Variants in CATIP observed in about 807,000 individuals in gnomAD.
CATIP encodes ciliogenesis-associated TTC17-interacting protein.
In CATIP, 40 loss-of-function variants were observed where a neutral mutation model predicts 42.5. The observed-to-expected ratio is 0.94, with a 90% CI of 0.73 to 1.22. CATIP has a LOEUF of 1.22. CATIP is among the 50% of genes most tolerant of loss of function. CATIP has a pLI of 0.00. For missense variants in CATIP, 489 were observed against 496.0 expected (o/e 0.99, Z 0.13); for synonymous variants, 222 against 200.2 (o/e 1.11, Z -0.92).
At chr2:218,363,037 G>A in intron 6 of CATIP, 135 bp downstream of exon 6, 3 of 773,108 alleles carry the variant, frequency 3.9e-6, no homozygotes, top group Non-Finnish European at 6.1e-6. Context: ...TGGGAATGGG[G>A]CTTTCAAGGG....
In CATIP at chr2:218,357,993, C is replaced by T. The variant is rs778991062; in HGVS notation, c.320-44C>T. ...CACCTTCCCTTCCTTCAGCCTCTGA[C>T]CCACATCTCCTGTGACGTCAATGCC... On this transcript the variant is annotated intron_variant, in intron 3 of 9. Coordinates refer to ENST00000289388, the MANE Select transcript of CATIP (RefSeq NM_198559.2). 3.8e-5 allele frequency: 60 copies of T among 1,586,342 alleles called. No individual in the cohort carries two copies. In the South Asian group the frequency reaches 5.6e-4, roughly 15 times the overall value.
intron 7 of CATIP, among the ~76,000 whole-genome samples, chr2:218,365,230 C>T (rs1385805698): frequency 3.3e-5 from 5 of 151,982 alleles, no homozygotes; most frequent in South Asian, 2.1e-4. Context: ...CTGGCTGACA[C>T]GGTGAAACCC....
At chr2:218,365,178 G>A (rs1695386624) in intron 7 of CATIP, among the ~76,000 whole-genome samples, 1 of 152,162 alleles carries the variant, frequency 6.6e-6, no homozygotes, top group African/African-American at 2.4e-5. Context: ...ACTTTGGGAG[G>A]CTGAGGCGGG....
chr2:218,367,508 T>C lies in CATIP; in HGVS notation c.911T>C (p.Leu304Pro). Residue 304 changes from leucine (L) to proline (P), a missense_variant, in exon 9 of 10, where the codon CTG becomes CCG. Coordinates refer to ENST00000289388, the MANE Select transcript of CATIP (RefSeq NM_198559.2). ...EEDMELYSKF[L>P]DRKEELRLGH... Reference sequence around the variant, plus strand: ...GATATGGAGCTCTATTCGAAGTTCCTGGACCGGAAGGTGAGGGGAGGCTCC... The same window carrying C: ...GATATGGAGCTCTATTCGAAGTTCCCGGACCGGAAGGTGAGGGGAGGCTCC... The C allele has an allele frequency of 6.2e-7, 1 of 1,614,190 alleles. No homozygotes were observed. The highest frequency in any genetic ancestry group is 1.1e-5 in the South Asian group (1 of 91,086).
chr2:218,357,692 C>A lies in CATIP; in HGVS notation c.277C>A (p.Arg93=), dbSNP rs78470620. 4.9e-4 allele frequency: 787 copies of A among 1,613,984 alleles called. 6 individuals are homozygous for A. In the African/African-American group the frequency reaches 9.4e-3, roughly 19 times the overall value. The stretch of plus-strand genomic sequence containing the variant: ...CTGCCTCTTCGTGCATGCCTCTAGC[C>A]GAGGCTTCTTGGACAAAATGCTCTG... The part of the protein sequence containing the change: ...TYCLFVHASS[R]GFLDKMLCGN... The change falls in exon 3 of 10, where the codon CGA becomes AGA. Residue 93 remains arginine (R), a synonymous_variant. Transcript: ENST00000289388.
rs1695079493 is a variant in CATIP, at chr2:218,357,656, A to C, written c.241A>C (p.Met81Leu). The C allele has an allele frequency of 1.2e-6, 2 of 1,614,012 alleles. No individual in the cohort carries two copies. Among genetic ancestry groups the C allele is most frequent in the African/African-American group, 2.7e-5 (2 of 74,924 alleles). The change falls in exon 3 of 10, where the codon ATG (methionine) becomes CTG (leucine). Residue 81 changes from methionine (M) to leucine (L), a missense_variant. By Grantham distance (15) the Met-to-Leu change is conservative. Transcript: ENST00000289388. Reference protein sequence around the residue: ...QRGKYQEKLGMLTYCLFVHAS... With the variant: ...QRGKYQEKLGLLTYCLFVHAS... ...AGGGAAATACCAGGAAAAACTCGGC[A>C]TGCTGACATACTGCCTCTTCGTGCA...
intron 2 of CATIP, 101 bp from the exon 3 acceptor site, chr2:218,357,433 C>A: frequency 3.1e-6 from 3 of 964,716 alleles, no homozygotes. Context: ...GATGAGGAGG[C>A]AGGTGGGGAC....
chr2:218,368,007 C>G lies in CATIP; in HGVS notation c.*43C>G, dbSNP rs763488337. On this transcript the variant is annotated 3_prime_UTR_variant, in exon 10 of 10. Transcript: ENST00000289388. ...ACAGGGCAGGAAACCAGGGGTCGGG[C>G]TGGGACGCGGGCGGGACGCGCCGGG... 2.0e-5 allele frequency: 29 copies of G among 1,471,116 alleles called. No individual in the cohort carries two copies. The highest frequency in any genetic ancestry group is 2.6e-5 in the Non-Finnish European group (29 of 1,117,868). 91.1% of individuals were successfully genotyped at this position (1,471,116 alleles called of 1,614,324 possible).
chr2:218,360,701 A>G, intron 5 of CATIP, 42 bp downstream of exon 5: 1 of 1,440,198 alleles, frequency 6.9e-7, no homozygotes, highest in Non-Finnish European at 9.8e-7. Context: ...ACACACTGTG[A>G]ACCCAGAATA....
At chr2:218,357,211 TG>T in intron 2 of CATIP, 24 bp downstream of exon 2, 3 of 1,571,740 alleles carry the variant, frequency 1.9e-6, no homozygotes, top group Non-Finnish European at 2.6e-6. Flanking sequence ...GTGTCGGGGT[TG>T]GGGGTGCGGG....
Position 218,360,561 on chromosome 2 carries a change from T to A in CATIP, c.376-12T>A. On this transcript the variant is annotated splice_polypyrimidine_tract_variant and intron_variant, in intron 4 of 9. Transcript: ENST00000289388. Reference sequence around the variant, plus strand: ...GAGTCCCTGATCCTCCCCCGCATGCTCTGGCCCTCAGTTCCTCATCCTCCC... The same window carrying A: ...GAGTCCCTGATCCTCCCCCGCATGCACTGGCCCTCAGTTCCTCATCCTCCC... 3 of 1,611,148 alleles carry A rather than the reference T, an allele frequency of 1.9e-6. No homozygotes were observed. In the South Asian group the frequency reaches 3.3e-5, roughly 18 times the overall value.
intron 4 of CATIP, among the ~76,000 whole-genome samples, 172 bp from the exon 5 acceptor site, chr2:218,360,401 C>T (rs915844467): frequency 1.1e-4 from 16 of 151,630 alleles, no homozygotes; most frequent in Non-Finnish European, 1.9e-4. Context: ...CCGCCCACCT[C>T]GGCCTCCCAC....
Position 218,357,649 on chromosome 2 carries a change from A to C in CATIP, c.234A>C (p.Lys78Asn). 1 of 1,613,300 alleles carries C rather than the reference A, an allele frequency of 6.2e-7. No individual in the cohort carries two copies. The highest frequency in any genetic ancestry group is 8.5e-7 in the Non-Finnish European group (1 of 1,179,828). Residue 78 changes from lysine (K) to asparagine (N), a missense_variant, in exon 3 of 10, where the codon AAA becomes AAC. Physicochemically the swap from Lys to Asn is moderately conservative, Grantham distance 94 (BLOSUM62 0). Transcript: ENST00000289388. ...IEVQRGKYQE[K>N]LGMLTYCLFV... ...TGCAGAGAGGGAAATACCAGGAAAA[A>C]CTCGGCATGCTGACATACTGCCTCT...
Position 218,367,410 on chromosome 2 carries a change from C to T in CATIP, c.833-20C>T, listed in dbSNP as rs1384918574. On this transcript the variant is annotated intron_variant, in intron 8 of 9. Coordinates refer to ENST00000289388, the MANE Select transcript of CATIP (RefSeq NM_198559.2). Reference sequence around the variant, plus strand: ...AGGTTCCGGGGTAGGGACGCCCAGCCTTCCTTGTTCCCCACCTAGATGAGA... The same window carrying T: ...AGGTTCCGGGGTAGGGACGCCCAGCTTTCCTTGTTCCCCACCTAGATGAGA... The T allele has an allele frequency of 1.2e-6, 2 of 1,611,608 alleles. No homozygotes were observed. The highest frequency in any genetic ancestry group is 1.1e-5 in the South Asian group (1 of 91,018).
rs1695370687 is a variant in CATIP, at chr2:218,364,853, A to C, written c.755+101A>C. The stretch of plus-strand genomic sequence containing the variant: ...ATAGCACCAGGAAGAACTGGCATTG[A>C]GATAGGAGTGTCCCTCCGCTTTATC... On this transcript the variant is annotated intron_variant, in intron 7 of 9. Transcript: ENST00000289388. The C allele has an allele frequency of 3.8e-6, 5 of 1,317,046 alleles. No individual in the cohort carries two copies. The South Asian group carries it at 7.0e-5, about 18-fold the overall frequency. The allele number at this position is 1,317,046 out of a possible 1,614,324, so 81.6% of individuals were successfully genotyped here.
chr2:218,366,902 G>A (rs181423123), intron 7 of CATIP, 122 bp from the exon 8 acceptor site: 112 of 754,772 alleles, frequency 1.5e-4, no homozygotes, highest in African/African-American at 1.3e-3. Flanking sequence ...GCATGTAAAC[G>A]TAATGACCTC....
chr2:218,361,914 G>A (rs913391006), intron 5 of CATIP, among the ~76,000 whole-genome samples: 1 of 152,028 alleles, frequency 6.6e-6, no homozygotes, highest in Non-Finnish European at 1.5e-5. Context: ...GGTGGCTCAC[G>A]CCTGTAATCC....
rs1270169548 is a variant in CATIP, at chr2:218,367,521, G to A, written c.921+3G>A. On this transcript the variant is annotated splice_donor_region_variant and intron_variant, in intron 9 of 9. Transcript: ENST00000289388. ...ATTCGAAGTTCCTGGACCGGAAGGTGAGGGGAGGCTCCACCAGCCTGGGGT... is the reference window on the plus strand; with the variant it reads ...ATTCGAAGTTCCTGGACCGGAAGGTAAGGGGAGGCTCCACCAGCCTGGGGT... 1.2e-6 allele frequency: 2 copies of A among 1,614,074 alleles called. No homozygotes were observed. Among genetic ancestry groups the A allele is most frequent in the East Asian group, 2.2e-5 (1 of 44,884 alleles).
Position 218,367,014 on chromosome 2 carries a change from T to C in CATIP, c.756-10T>C. 2 of 1,610,830 alleles carry C rather than the reference T, an allele frequency of 1.2e-6. No individual in the cohort carries two copies. Among genetic ancestry groups the C allele is most frequent in the South Asian group, 1.1e-5 (1 of 91,038 alleles). ...AGATTCTCACTCTCACATGTTGTGT[T>C]GCACTCCAGGCACCTGGCCAAGAGA... On this transcript the variant is annotated splice_polypyrimidine_tract_variant and intron_variant, in intron 7 of 9. Transcript: ENST00000289388.
Sources: gnomAD v4.1 joint callset for allele counts (sites outside exome capture counted in the v4.1 genomes callset) on GRCh38, gnomAD v4.1.1 for gene constraint, MANE v1.5 for transcripts, NCBI Gene and HGNC (gene_info 2026-07-23, HGNC 2026-07-21) for gene names.